The following WFDC11 variants were observed in gnomAD, a reference collection of about 807,000 sequenced individuals.
WFDC11 encodes the protein protein WFDC11.
In WFDC11, 9 loss-of-function variants were observed where a neutral mutation model predicts 9.9. The observed-to-expected ratio is 0.91, with a 90% CI of 0.55 to 1.58. WFDC11 has a LOEUF of 1.58. Ranked by LOEUF, WFDC11 falls within the 40% of genes most tolerant of loss-of-function variation. The pLI is 0.00. For synonymous variants in WFDC11, 32 were observed against 33.3 expected, an observed-to-expected ratio of 0.96 and a Z score of 0.13; for missense variants, 106 against 101.7, an observed-to-expected ratio of 1.04 and a Z score of -0.18.
At chr20:45,659,952 C>T (rs1267999158) in intron 2 of WFDC11, among the ~76,000 whole-genome samples, 1 of 152,032 alleles carries the variant, frequency 6.6e-6, no homozygotes, top group African/African-American at 2.4e-5. Flanking sequence ...TTTCCCAGCA[C>T]CATTTATTAA....
intron 2 of WFDC11, among the ~76,000 whole-genome samples, chr20:45,650,888 A>G: frequency 6.6e-6 from 1 of 152,220 alleles, no homozygotes; most frequent in East Asian, 1.9e-4. Flanking sequence ...TTAAAACATA[A>G]TTCAAATTCA....
intron 3 of WFDC11, among the ~76,000 whole-genome samples, chr20:45,650,211 TACACAC>T (rs142774065): frequency 6.6e-6 from 1 of 150,602 alleles, no homozygotes; most frequent in Middle Eastern, 3.4e-3. Context: ...ATGGTATATA[TACACAC>T]ACACACACAC....
intron 2 of WFDC11, among the ~76,000 whole-genome samples, chr20:45,659,482 A>T (rs191481210): frequency 6.6e-6 from 1 of 152,068 alleles, no homozygotes; most frequent in East Asian, 1.9e-4. Context: ...GCTTTTTTTC[A>T]TATGTTTGTT....
chr20:45,650,647 C>T lies in WFDC11; in HGVS notation c.-47G>A, dbSNP rs1228152233. The T allele has an allele frequency of 9.3e-6, 14 of 1,507,944 alleles. No homozygotes were observed. The highest frequency in any genetic ancestry group is 6.8e-5 in the South Asian group (6 of 88,608). The allele number at this position is 1,507,944 out of a possible 1,614,324, so 93.4% of individuals were successfully genotyped here. ...CAGAAGGATTATTTTTCTTCCCAGT[C>T]GCTGCTAGAGATCAAGACATATAAA... On this transcript the variant is annotated 5_prime_UTR_variant, in exon 3 of 5. Transcript: ENST00000324384.
intron 2 of WFDC11, among the ~76,000 whole-genome samples, chr20:45,657,152 T>C (rs1310014488): frequency 6.6e-6 from 1 of 152,182 alleles, no homozygotes; most frequent in African/African-American, 2.4e-5. Context: ...ATTGAGGCAC[T>C]ATTCACAATA....
Position 45,648,725 on chromosome 20 carries a change from A to G in WFDC11, c.258T>C (p.Asp86=). The G allele has an allele frequency of 6.2e-7, 1 of 1,614,156 alleles. No individual in the cohort carries two copies. Among genetic ancestry groups the G allele is most frequent in the Non-Finnish European group, 8.5e-7 (1 of 1,179,992 alleles). Reference sequence around the variant, plus strand: ...CTGGTGGGAAGCTACGGTTTTAGTAATCTCCACTGGTTTCCTGTAAAACAA... The same window carrying G: ...CTGGTGGGAAGCTACGGTTTTAGTAGTCTCCACTGGTTTCCTGTAAAACAA... ...ICWINVETSG[D]Y The change falls in exon 5 of 5, where the codon GAT becomes GAC. Residue 86 remains aspartate, a synonymous_variant. Coordinates refer to ENST00000324384, the MANE Select transcript of WFDC11 (RefSeq NM_147197.2).
intron 2 of WFDC11, among the ~76,000 whole-genome samples, 195 bp from the exon 3 acceptor site, chr20:45,650,846 G>GA (rs886244438): frequency 6.6e-5 from 10 of 151,654 alleles, no homozygotes; most frequent in East Asian, 3.9e-4. Context: ...CCTTTTGCTG[G>GA]AAAAAAAATA....
chr20:45,666,288 A>T (rs544498139), intron 2 of WFDC11, among the ~76,000 whole-genome samples: 1 of 152,226 alleles, frequency 6.6e-6, no homozygotes, highest in African/African-American at 2.4e-5. Context: ...AAAGCACAGT[A>T]TTTGGGTGGG....
In WFDC11 at chr20:45,649,390, A is replaced by C; in HGVS notation, c.110T>G (p.Leu37Trp). 6.2e-7 allele frequency: 1 copy of C among 1,613,848 alleles called. No individual in the cohort carries two copies. Among genetic ancestry groups the C allele is most frequent in the Non-Finnish European group, 8.5e-7 (1 of 1,179,976 alleles). ...MRKKRYDRKE[L>W]LLEECWGKPN... ...CTTTCCCCAGCATTCTTCAAGTAAC[A>C]ATTCCTTCCCTGAAATTGAGATGAG... The change falls in exon 4 of 5, where the codon TTG (leucine) becomes TGG (tryptophan). Residue 37 changes from leucine to tryptophan, a missense_variant. Transcript: ENST00000324384.
chr20:45,665,748 G>A (rs965265739), intron 2 of WFDC11, among the ~76,000 whole-genome samples: 4 of 152,190 alleles, frequency 2.6e-5, no homozygotes, highest in Non-Finnish European at 5.9e-5. Context: ...CACCAGCAGA[G>A]GCTGCAGAAT....
intron 2 of WFDC11, among the ~76,000 whole-genome samples, chr20:45,665,275 A>G (rs1328066172): frequency 2.0e-5 from 3 of 152,112 alleles, no homozygotes; most frequent in Non-Finnish European, 4.4e-5. Flanking sequence ...CAGGTCATTT[A>G]AGGTCTTCTC....
At position 45,650,573 on chromosome 20, in the gene WFDC11, G is replaced by T. The variant is rs201065798; in HGVS notation, c.28C>A (p.Pro10Thr). ...GTACAGAAGAATGTCATGAGCATGG[G>T]TATCCAGAGCTTCATGAGGCTGACC... Reference protein sequence around the residue: MVSLMKLWIPMLMTFFCTVL... With the variant: MVSLMKLWITMLMTFFCTVL... The change falls in exon 3 of 5, where the codon CCC becomes ACC. Residue 10 changes from proline to threonine, a missense_variant. Physicochemically the swap from Pro to Thr is conservative, Grantham distance 38. Transcript: ENST00000324384. 7 of 1,614,108 alleles carry T rather than the reference G, an allele frequency of 4.3e-6. No individual in the cohort carries two copies. Among genetic ancestry groups the T allele is most frequent in the African/African-American group, 1.3e-5 (1 of 75,020 alleles).
At chr20:45,650,277 G>T (rs13044397) in intron 3 of WFDC11, among the ~76,000 whole-genome samples, 1 of 152,076 alleles carries the variant, frequency 6.6e-6, no homozygotes, top group African/African-American at 2.4e-5. Context: ...CAGAGAGAGA[G>T]AGATAGACAG....
At chr20:45,656,570 G>A (rs187967427) in intron 2 of WFDC11, among the ~76,000 whole-genome samples, 5 of 152,212 alleles carry the variant, frequency 3.3e-5, no homozygotes, top group Admixed American at 3.3e-4. Flanking sequence ...GGCAACAAAA[G>A]CCAAAATAGA....
intron 1 of WFDC11, 153 bp from the exon 2 acceptor site, chr20:45,667,322 T>C (rs777574827): frequency 2.6e-5 from 4 of 152,228 alleles, no homozygotes; most frequent in Non-Finnish European, 5.9e-5. Flanking sequence ...AGTACTTTCT[T>C]CTTTTTGCTG....
intron 2 of WFDC11, among the ~76,000 whole-genome samples, chr20:45,665,657 C>T (rs1983172365): frequency 6.6e-6 from 1 of 152,166 alleles, no homozygotes; most frequent in South Asian, 2.1e-4. Context: ...TGTTAGTTTT[C>T]CTTCTAATAG....
intron 2 of WFDC11, among the ~76,000 whole-genome samples, chr20:45,658,619 GTA>G (rs1982986826): frequency 6.6e-6 from 1 of 151,714 alleles, no homozygotes; most frequent in South Asian, 2.1e-4. Flanking sequence ...CTTGCTAATG[GTA>G]TATCAATTTT....
chr20:45,664,055 G>A (rs1181604576), intron 2 of WFDC11, among the ~76,000 whole-genome samples: 1 of 152,190 alleles, frequency 6.6e-6, no homozygotes, highest in East Asian at 1.9e-4. Flanking sequence ...TTGTGTGGGA[G>A]TCTAAGTCTC....
intron 2 of WFDC11, among the ~76,000 whole-genome samples, chr20:45,655,581 A>T (rs538298951): frequency 2.6e-5 from 4 of 152,338 alleles, no homozygotes; most frequent in East Asian, 1.9e-4. Flanking sequence ...AGTTCTGGCC[A>T]GGGCAATCAG....
Sources: allele counts gnomAD v4.1 joint callset (sites outside exome capture counted in the v4.1 genomes callset), GRCh38; gene constraint gnomAD v4.1.1; transcripts MANE v1.5; gene names NCBI Gene and HGNC (gene_info 2026-07-23, HGNC 2026-07-21).